NPAS3: variants seen among roughly 807,000 people sequenced by gnomAD.
NPAS3 encodes the protein neuronal PAS domain protein 3, also known as neuronal PAS domain-containing protein 3.
A neutral mutation model predicts 73.1 loss-of-function variants in NPAS3; 14 were observed. The observed-to-expected ratio is 0.19, with a 90% CI of 0.13 to 0.30. The LOEUF is 0.30. Ranked by LOEUF, NPAS3 falls within the 10% of genes least tolerant of loss-of-function variation. NPAS3 has a pLI of 1.00. For missense variants in NPAS3, 1,096 were observed against 1,250.0 expected (o/e 0.88, Z 1.86); for synonymous variants, 620 against 541.5 (o/e 1.14, Z -2.01).
At chr14:33,364,784 A>G (rs894708976) in intron 3 of NPAS3, among the ~76,000 whole-genome samples, 2 of 149,742 alleles carry the variant, frequency 1.3e-5, no homozygotes, top group Admixed American at 6.6e-5. Context: ...CACCCCCCAC[A>G]CCCCCACTGA....
intron 3 of NPAS3, among the ~76,000 whole-genome samples, chr14:33,281,737 C>T (rs2041621733): frequency 6.6e-6 from 1 of 151,888 alleles, no homozygotes; most frequent in Non-Finnish European, 1.5e-5. Context: ...GGTTTGTTAC[C>T]CAGAATGGGT....
At chr14:33,750,315 A>G (rs544892071) in intron 7 of NPAS3, among the ~76,000 whole-genome samples, 2 of 152,096 alleles carry the variant, frequency 1.3e-5, no homozygotes, top group Non-Finnish European at 2.9e-5. Context: ...CACTGACATC[A>G]AAAATGAGGT....
chr14:33,274,684 G>T (rs1433843917), intron 3 of NPAS3, among the ~76,000 whole-genome samples: 1 of 152,118 alleles, frequency 6.6e-6, no homozygotes, highest in Non-Finnish European at 1.5e-5. Context: ...TTGCATAAAT[G>T]ATATAGCTAA....
At chr14:32,939,221 C>A, upstream of NPAS3, 1 of 481,916 alleles carries the variant, frequency 2.1e-6, no homozygotes, top group Non-Finnish European at 3.9e-6. Context: ...ACTCTCCCGC[C>A]ACCCCACGCA....
chr14:33,203,481 C>T (rs1208905319), intron 2 of NPAS3, among the ~76,000 whole-genome samples: 1 of 152,068 alleles, frequency 6.6e-6, no homozygotes, highest in East Asian at 1.9e-4. Context: ...CTCCCCACAC[C>T]CCACAACAGG....
At chr14:33,037,341 A>G (rs2040202126) in intron 1 of NPAS3, among the ~76,000 whole-genome samples, 1 of 151,946 alleles carries the variant, frequency 6.6e-6, no homozygotes, top group African/African-American at 2.4e-5. Context: ...AATGAATCCT[A>G]CTGTATATAT....
At chr14:33,091,829 A>G (rs1362330133) in intron 2 of NPAS3, among the ~76,000 whole-genome samples, 1 of 152,222 alleles carries the variant, frequency 6.6e-6, no homozygotes, top group Admixed American at 6.5e-5. Flanking sequence ...ACGCAAATCA[A>G]TAAATGTAAT....
chr14:33,376,037 C>T (rs1467206038), intron 4 of NPAS3, among the ~76,000 whole-genome samples: 1 of 152,016 alleles, frequency 6.6e-6, no homozygotes, highest in African/African-American at 2.4e-5. Flanking sequence ...TGTGGTTTGC[C>T]AAGAATTATC....
At chr14:33,332,507 A>G (rs561546195) in intron 3 of NPAS3, among the ~76,000 whole-genome samples, 31 of 152,286 alleles carry the variant, frequency 2.0e-4, no homozygotes, top group African/African-American at 4.1e-4. Context: ...AGATGTTTCA[A>G]CCATGTACAC....
chr14:33,623,306 T>G (rs2140103328), intron 5 of NPAS3, among the ~76,000 whole-genome samples: 1 of 152,312 alleles, frequency 6.6e-6, no homozygotes, highest in Middle Eastern at 3.4e-3. Context: ...TTCAAATTCT[T>G]GTATCATCCT....
In NPAS3 at chr14:33,045,924, G is replaced by T. The variant is rs1240636104; in HGVS notation, c.51-9981G>T. On this transcript the variant is annotated intron_variant, in intron 1 of 11. Transcript: ENST00000356141. ...TAGATATAGAGGATCTGGACCATAT[G>T]GAGACCAACACAGACCTACTTCCTG... is the stretch of plus-strand genomic sequence containing the variant. Among the ~76,000 whole-genome samples the T allele has an allele frequency of 2.0e-5, 3 of 152,136 alleles. 1 individual carries two copies. The highest frequency in any genetic ancestry group is 2.9e-5 in the Non-Finnish European group (2 of 68,018).
intron 1 of NPAS3, among the ~76,000 whole-genome samples, chr14:33,002,202 C>T (rs2038832907): frequency 6.6e-6 from 1 of 152,110 alleles, no homozygotes; most frequent in South Asian, 2.1e-4. Context: ...TTCTTCATGT[C>T]GATAGTTAAG....
intron 3 of NPAS3, among the ~76,000 whole-genome samples, chr14:33,227,223 C>G (rs1204891364): frequency 6.6e-6 from 1 of 152,056 alleles, no homozygotes; most frequent in Non-Finnish European, 1.5e-5. Context: ...ATACTGAGCT[C>G]CTGAAGTTGC....
At chr14:33,171,193 C>T (rs1020746756) in intron 2 of NPAS3, among the ~76,000 whole-genome samples, 1 of 152,194 alleles carries the variant, frequency 6.6e-6, no homozygotes, top group Non-Finnish European at 1.5e-5. Flanking sequence ...CAATAATATT[C>T]TGAAAGGAAT....
intron 2 of NPAS3, among the ~76,000 whole-genome samples, chr14:33,209,826 G>A (rs1312105386): frequency 3.9e-5 from 6 of 152,120 alleles, no homozygotes. Context: ...CTTTTATGAA[G>A]ACTAGATATT....
chr14:33,675,031 AG>A (rs779339906), intron 5 of NPAS3, among the ~76,000 whole-genome samples: 4 of 151,886 alleles, frequency 2.6e-5, no homozygotes. Context: ...TATCCTGGAA[AG>A]GGAAGTGAGG....
In NPAS3 at chr14:33,444,349, T is replaced by C. The variant is rs147068437; in HGVS notation, c.468+77081T>C. 7.2e-5 allele frequency among the ~76,000 whole-genome samples: 11 copies of C among 152,310 alleles called. No homozygotes were observed. In the East Asian group the frequency reaches 1.4e-3, roughly 19 times the overall value. On this transcript the variant is annotated intron_variant, in intron 4 of 11. Transcript: ENST00000356141. ...GGGTGAAAACTTGCCAAACAAGTCA[T>C]GTGAGCAGTGACGGGATGACATGGG... is the stretch of plus-strand genomic sequence containing the variant.
At chr14:33,274,859 T>A (rs1229258729) in intron 3 of NPAS3, among the ~76,000 whole-genome samples, 1 of 152,174 alleles carries the variant, frequency 6.6e-6, no homozygotes, top group Non-Finnish European at 1.5e-5. Flanking sequence ...GCAACTTTTT[T>A]AAAGGGCTAC....
intron 4 of NPAS3, among the ~76,000 whole-genome samples, chr14:33,515,276 A>T (rs2053243535): frequency 6.6e-6 from 1 of 152,100 alleles, no homozygotes; most frequent in Admixed American, 6.6e-5. Context: ...AAGAAAATAC[A>T]TGGAATAAGA....
Sources: gnomAD v4.1 joint callset for allele counts (sites outside exome capture counted in the v4.1 genomes callset) on GRCh38, gnomAD v4.1.1 for gene constraint, MANE v1.5 for transcripts, NCBI Gene and HGNC (gene_info 2026-07-23, HGNC 2026-07-21) for gene names.